Variants in CC2D1A observed in about 807,000 individuals in gnomAD.
CC2D1A encodes the protein coiled-coil and C2 domain-containing protein 1A.
Under a neutral mutation model 123.8 loss-of-function variants are expected in CC2D1A, and 68 were observed. The observed-to-expected ratio is 0.55, with a 90% confidence interval of 0.45 to 0.67. The LOEUF is 0.67. Ranked by LOEUF, CC2D1A falls within the 30% of genes least tolerant of loss-of-function variation. The pLI is 0.00. For synonymous variants in CC2D1A, 477 were observed against 528.0 expected, an observed-to-expected ratio of 0.90 and a Z score of 1.32; for missense variants, 1,185 against 1,290.3, an observed-to-expected ratio of 0.92 and a Z score of 1.25.
At chr19:13,926,281 A>G (rs897785) in intron 17 of CC2D1A, among the ~76,000 whole-genome samples, 17,748 of 151,740 alleles carry the variant, frequency 0.12, 3,331 homozygotes, top group African/African-American at 0.39. Context: ...CACACAGTAG[A>G]TACCAAATAA....
In CC2D1A at chr19:13,923,538, G is replaced by A; in HGVS notation, c.1765-10G>A. On this transcript the variant is annotated splice_polypyrimidine_tract_variant and intron_variant, in intron 15 of 28. Transcript: ENST00000318003. The surrounding 1 kb of genome is among the most constrained non-coding windows in gnomAD (Gnocchi z 5.3). ...CCCTTCCCTCGACTCACTGCCTTCT[G>A]TTTCCCCAGATGTGCCTGAACCACT... The A allele has an allele frequency of 6.2e-7, 1 of 1,613,760 alleles. No individual in the cohort carries two copies. The highest frequency in any genetic ancestry group is 8.5e-7 in the Non-Finnish European group (1 of 1,179,968).
intron 1 of CC2D1A, among the ~76,000 whole-genome samples, chr19:13,907,154 C>T (rs975077844): frequency 5.3e-5 from 8 of 152,106 alleles, no homozygotes; most frequent in Non-Finnish European, 8.8e-5. Flanking sequence ...TCTCTATAAT[C>T]CCAGCACTTC....
Position 13,930,491 on chromosome 19 carries a change from G to A in CC2D1A, c.*96G>A. On this transcript the variant is annotated 3_prime_UTR_variant, in exon 29 of 29. Coordinates refer to ENST00000318003, the MANE Select transcript of CC2D1A (RefSeq NM_017721.5). This position sits in a 1 kb window ranked among gnomAD's most constrained non-coding sequence, Gnocchi z 6.8. The stretch of plus-strand genomic sequence containing the variant: ...CACGAACCAGACAAGCAGACAATCA[G>A]CGGACAATCGGTTCTGGACTCACCC... 7.3e-7 allele frequency: 1 copy of A among 1,378,390 alleles called. No homozygotes were observed. The highest frequency in any genetic ancestry group is 1.4e-5 in the South Asian group (1 of 70,234). The allele number at this position is 1,378,390 out of a possible 1,614,324, so 85.4% of individuals were successfully genotyped here. A position where few individuals can be genotyped will look rare whatever the true frequency, so the allele number is the denominator to read the frequency against.
intron 17 of CC2D1A, among the ~76,000 whole-genome samples, chr19:13,925,996 G>A (rs1245941963): frequency 0.019 from 2,060 of 105,922 alleles, 138 homozygotes; most frequent in African/African-American, 0.1. Context: ...ATACATATAT[G>A]TGTGTATATA....
In CC2D1A at chr19:13,926,818, T is replaced by G; in HGVS notation, c.2074-3T>G. On this transcript the variant is annotated splice_polypyrimidine_tract_variant and splice_region_variant and intron_variant, in intron 19 of 28. Coordinates refer to ENST00000318003, the MANE Select transcript of CC2D1A (RefSeq NM_017721.5). ...AGATTTCCTGCCTCCTCTCTGGTCA[T>G]AGGAAGAAGCTCAGAAAGACAAGAC... 2 of 1,613,954 alleles carry G rather than the reference T, an allele frequency of 1.2e-6. No homozygotes were observed. Among genetic ancestry groups the G allele is most frequent in the South Asian group, 2.2e-5 (2 of 91,080 alleles).
chr19:13,916,969 G>A (rs1345098447), intron 6 of CC2D1A, among the ~76,000 whole-genome samples: 1 of 152,136 alleles, frequency 6.6e-6, no homozygotes, highest in Non-Finnish European at 1.5e-5. Flanking sequence ...CTAACACACT[G>A]TTTAAAAAGC....
At chr19:13,925,933 A>AAATATATATATATAT (rs1315518981) in intron 17 of CC2D1A, among the ~76,000 whole-genome samples, 2 of 91,052 alleles carry the variant, frequency 2.2e-5, no homozygotes, top group African/African-American at 1.4e-4. Flanking sequence ...AAAAAAAAAA[A>AAATATATATATATAT]ATATATATAT....
At chr19:13,920,321 G>C (rs1971364931) in intron 12 of CC2D1A, 1 of 547,716 alleles carries the variant, frequency 1.8e-6, no homozygotes, top group African/African-American at 2.0e-5. Flanking sequence ...GTTGCAGTGA[G>C]CCAAGATCGT....
intron 17 of CC2D1A, 63 bp from the exon 18 acceptor site, chr19:13,926,454 G>T: frequency 6.7e-7 from 1 of 1,490,104 alleles, no homozygotes; most frequent in South Asian, 1.2e-5. Flanking sequence ...AGGCAGGCGG[G>T]CAGTGGGACT....
Position 13,906,799 on chromosome 19 carries a change from A to G in CC2D1A, c.60+298A>G, listed in dbSNP as rs1599371697. On this transcript the variant is annotated intron_variant, in intron 1 of 28. Transcript: ENST00000318003. The surrounding 1 kb of genome is among the most constrained non-coding windows in gnomAD (Gnocchi z 4.1). ...CCTTGCATCAGTCGGGCCATGTCAG[A>G]CTCTTTTTATTCCATTGTACAGATG... is the stretch of plus-strand genomic sequence containing the variant. 6.6e-6 allele frequency among the ~76,000 whole-genome samples: 1 copy of G among 151,916 alleles called. No homozygotes were observed. Among genetic ancestry groups the G allele is most frequent in the Non-Finnish European group, 1.5e-5 (1 of 67,952 alleles).
Position 13,923,315 on chromosome 19 carries a change from C to T in CC2D1A, c.1642-18C>T. 2 of 1,595,908 alleles carry T rather than the reference C, an allele frequency of 1.3e-6. No individual in the cohort carries two copies. Among genetic ancestry groups the T allele is most frequent in the Non-Finnish European group, 1.7e-6 (2 of 1,176,038 alleles). On this transcript the variant is annotated intron_variant, in intron 14 of 28. Coordinates refer to ENST00000318003, the MANE Select transcript of CC2D1A (RefSeq NM_017721.5). This position sits in a 1 kb window ranked among gnomAD's most constrained non-coding sequence, Gnocchi z 5.3. Reference sequence around the variant, plus strand: ...TGCTTGTCCTCCTTACCCCCGCCACCAGCCTCGTCCTCCCCAGGTGCCGCC... The same window carrying T: ...TGCTTGTCCTCCTTACCCCCGCCACTAGCCTCGTCCTCCCCAGGTGCCGCC...
At chr19:13,920,466 C>T (rs2145337328) in intron 12 of CC2D1A, 91 bp from the exon 13 acceptor site, 1 of 804,982 alleles carries the variant, frequency 1.2e-6, no homozygotes, top group Non-Finnish European at 2.1e-6. Flanking sequence ...CACTAAATGA[C>T]CACTGTTGTC....
Position 13,906,480 on chromosome 19 carries a change from A to G in CC2D1A, c.39A>G (p.Arg13=). The G allele has an allele frequency of 1.3e-6, 2 of 1,504,222 alleles. No individual in the cohort carries two copies. Among genetic ancestry groups the G allele is most frequent in the African/African-American group, 1.4e-5 (1 of 69,916 alleles). 93.2% of individuals were successfully genotyped at this position (1,504,222 alleles called of 1,614,324 possible). A position where few individuals can be genotyped will look rare whatever the true frequency, so the allele number is the denominator to read the frequency against. ...KRKGPPGPPG[R]GAAAARQLGL... ...AAGGACCCCCGGGACCCCCGGGCAG[A>G]GGCGCCGCGGCCGCCCGCCAGGTGA... Residue 13 remains arginine (R), a synonymous_variant, in exon 1 of 29, where the codon AGA becomes AGG. Coordinates refer to ENST00000318003, the MANE Select transcript of CC2D1A (RefSeq NM_017721.5). The surrounding 1 kb of genome is among the most constrained non-coding windows in gnomAD (Gnocchi z 4.1).
intron 25 of CC2D1A, 39 bp downstream of exon 25, chr19:13,929,481 G>A: frequency 6.2e-7 from 1 of 1,612,748 alleles, no homozygotes; most frequent in Non-Finnish European, 8.5e-7. Flanking sequence ...GGGCAGGACT[G>A]GGGAGTCTGC....
rs990811682 is a variant in CC2D1A, at chr19:13,906,774, C to G, written c.60+273C>G. Among the ~76,000 whole-genome samples the G allele has an allele frequency of 6.6e-6, 1 of 152,236 alleles. No individual in the cohort carries two copies. The highest frequency in any genetic ancestry group is 1.5e-5 in the Non-Finnish European group (1 of 68,042). On this transcript the variant is annotated intron_variant, in intron 1 of 28. Transcript: ENST00000318003. The surrounding 1 kb of genome is among the most constrained non-coding windows in gnomAD (Gnocchi z 4.1). ...AGTCCTCGGACTTGACACATCAAACCCTTGCATCAGTCGGGCCATGTCAGA... is the reference window on the plus strand; with the variant it reads ...AGTCCTCGGACTTGACACATCAAACGCTTGCATCAGTCGGGCCATGTCAGA...
intron 17 of CC2D1A, among the ~76,000 whole-genome samples, chr19:13,926,086 A>ACACACACACC (rs1971631093): frequency 7.2e-6 from 1 of 139,710 alleles, no homozygotes; most frequent in African/African-American, 2.9e-5. Flanking sequence ...ACACACACAC[A>ACACACACACC]CATATATATT....
rs1443393983 is a variant in CC2D1A, at chr19:13,906,526, C to A, written c.60+25C>A. 3 of 1,448,730 alleles carry A rather than the reference C, an allele frequency of 2.1e-6. No homozygotes were observed. Among genetic ancestry groups the A allele is most frequent in the Non-Finnish European group, 2.7e-6 (3 of 1,099,960 alleles). The allele number at this position is 1,448,730 out of a possible 1,614,324, so 89.7% of individuals were successfully genotyped here. ...GGTGAGTTTGCGCCCCACGGCCCGA[C>A]CTGGGGATCCCTCCCCACCCCCGTC... On this transcript the variant is annotated intron_variant, in intron 1 of 28. Coordinates refer to ENST00000318003, the MANE Select transcript of CC2D1A (RefSeq NM_017721.5). The surrounding 1 kb of genome is among the most constrained non-coding windows in gnomAD (Gnocchi z 4.1).
At chr19:13,918,471 C>T (rs747416253) in intron 7 of CC2D1A, 33 bp from the exon 8 acceptor site, 3 of 1,602,150 alleles carry the variant, frequency 1.9e-6, no homozygotes, top group East Asian at 2.2e-5. Context: ...CCCAACTGCA[C>T]CTCTTCTTCT....
chr19:13,919,938 A>T lies in CC2D1A; in HGVS notation c.1343A>T (p.Glu448Val), dbSNP rs755258230. Residue 448 changes from glutamate to valine, a missense_variant, in exon 12 of 29, where the codon GAG (glutamate) becomes GTG (valine). Physicochemically the swap from Glu to Val is moderately radical, Grantham distance 121 (BLOSUM62 -2). Transcript: ENST00000318003. ...GAAGGCCCAGAGGATGAAGAGGATG[A>T]GGTGCCTAAGAAGGTTTGAGGGTTG... ...QDEGPEDEED[E>V]VPKKQNSPVA... is the part of the protein sequence containing the mutation. 7 of 1,612,400 alleles carry T rather than the reference A, an allele frequency of 4.3e-6. No homozygotes were observed. In the South Asian group the frequency reaches 7.7e-5, roughly 18 times the overall value.
Sources: allele counts gnomAD v4.1 joint callset (sites outside exome capture counted in the v4.1 genomes callset), GRCh38; gene constraint gnomAD v4.1.1; non-coding constraint Gnocchi (gnomAD v3.1); transcripts MANE v1.5; gene names NCBI Gene and HGNC (gene_info 2026-07-23, HGNC 2026-07-21).